The following CCNY variants were observed in gnomAD, a reference collection of about 807,000 sequenced individuals.
CCNY encodes the protein cyclin Y, also known as cyclin-Y.
CCNY carries 19 observed loss-of-function variants against 42.8 expected under a neutral mutation model. That is an observed-to-expected ratio of 0.44 (90% confidence interval 0.31 to 0.65). The LOEUF (loss-of-function observed/expected upper bound fraction) is 0.65, where lower values mean the gene tolerates loss of function less well. CCNY is among the 30% of genes least tolerant of loss of function. The pLI is 0.07. For synonymous variants in CCNY, 165 were observed against 162.7 expected, an observed-to-expected ratio of 1.01 and a Z score of -0.11; for missense variants, 370 against 437.3, an observed-to-expected ratio of 0.85 and a Z score of 1.37.
intron 3 of CCNY, among the ~76,000 whole-genome samples, chr10:35,270,497 C>T (rs548358216): frequency 1.3e-5 from 2 of 152,270 alleles, no homozygotes; most frequent in South Asian, 4.1e-4. Context: ...ATTGTAGAGA[C>T]ATTTTCAGAT....
intron 3 of CCNY, among the ~76,000 whole-genome samples, chr10:35,254,964 T>C (rs1410326841): frequency 1.3e-5 from 2 of 152,304 alleles, no homozygotes; most frequent in East Asian, 3.9e-4. Context: ...GGATACGTTG[T>C]ATGATATTTT....
At position 35,425,142 on chromosome 10, in the gene CCNY, C is replaced by T. The variant is rs111252393; in HGVS notation, c.155-58262C>T. Among the ~76,000 whole-genome samples, 511 of 152,306 alleles carry T rather than the reference C, an allele frequency of 3.4e-3. 4 individuals are homozygous for T. The highest frequency in any genetic ancestry group is 0.012 in the African/African-American group (481 of 41,568). On this transcript the variant is annotated intron_variant, in intron 1 of 9. Coordinates refer to ENST00000374704, the MANE Select transcript of CCNY (RefSeq NM_145012.6). The stretch of plus-strand genomic sequence containing the variant: ...ACTGTTCCTCTGCCCCAGAAACTGC[C>T]AGGCCGATGTTGGAGCCGCTGCCCT...
chr10:35,268,462 G>GCAGAGTGTATAC (rs2095727870), intron 3 of CCNY, among the ~76,000 whole-genome samples: 1 of 152,184 alleles, frequency 6.6e-6, no homozygotes, highest in African/African-American at 2.4e-5. Context: ...GTTTTGCTGA[G>GCAGAGTGTATAC]CACAGTGTAT....
chr10:35,521,212 A>G (rs1371865221), intron 4 of CCNY, among the ~76,000 whole-genome samples: 2 of 152,246 alleles, frequency 1.3e-5, no homozygotes, highest in Non-Finnish European at 2.9e-5. Flanking sequence ...CAAACCCTAT[A>G]GTCCAAATGT....
chr10:35,418,737 C>T (rs543601262), intron 1 of CCNY, among the ~76,000 whole-genome samples: 76 of 152,272 alleles, frequency 5.0e-4, no homozygotes, highest in African/African-American at 1.7e-3. Flanking sequence ...GGTATGAACC[C>T]TGGCCCTGTT....
chr10:35,485,739 A>AAAAAAAC (rs1839773996), intron 2 of CCNY, among the ~76,000 whole-genome samples: 1 of 133,778 alleles, frequency 7.5e-6, no homozygotes, highest in African/African-American at 2.9e-5. Context: ...AAAAAAAAAA[A>AAAAAAAC]CAAAAAAAAA....
At chr10:35,568,930 C>CCGGA in intron 9 of CCNY, 124 bp from the exon 10 acceptor site, 1 of 680,382 alleles carries the variant, frequency 1.5e-6, no homozygotes, top group East Asian at 2.5e-5. Flanking sequence ...GGGCTCTGGG[C>CCGGA]CGGAGCTCCA....
At chr10:35,248,894 T>C (rs2095709939) in intron 2 of CCNY, among the ~76,000 whole-genome samples, 1 of 152,158 alleles carries the variant, frequency 6.6e-6, no homozygotes, top group East Asian at 1.9e-4. Context: ...AATGTTTGCT[T>C]AGGAAGTGGC....
At chr10:35,406,735 A>T (rs974518523) in intron 1 of CCNY, among the ~76,000 whole-genome samples, 9 of 151,914 alleles carry the variant, frequency 5.9e-5, no homozygotes, top group African/African-American at 2.2e-4. Flanking sequence ...GTTCTCAATG[A>T]GCTGTTGGGC....
At chr10:35,340,654 G>A (rs560851406) in intron 1 of CCNY, among the ~76,000 whole-genome samples, 2 of 152,032 alleles carry the variant, frequency 1.3e-5, no homozygotes, top group African/African-American at 2.4e-5. Context: ...ACAGGCATGC[G>A]CCACCACGCC....
chr10:35,474,062 C>A (rs1839448399), intron 1 of CCNY, among the ~76,000 whole-genome samples: 1 of 152,218 alleles, frequency 6.6e-6, no homozygotes, highest in Non-Finnish European at 1.5e-5. Context: ...TCGGGTCATT[C>A]CCACCCGAAT....
chr10:35,358,485 T>C (rs1429146241), intron 1 of CCNY, among the ~76,000 whole-genome samples: 1 of 152,184 alleles, frequency 6.6e-6, no homozygotes, highest in East Asian at 1.9e-4. Context: ...ACAAATGAAG[T>C]TGAAAAGATT....
chr10:35,537,293 G>T (rs1564450273), intron 7 of CCNY, among the ~76,000 whole-genome samples: 1 of 152,210 alleles, frequency 6.6e-6, no homozygotes, highest in Non-Finnish European at 1.5e-5. Flanking sequence ...TTCAGGGGCG[G>T]GGCCCTCAAT....
upstream of CCNY, among the ~76,000 whole-genome samples, chr10:35,332,765 T>C (rs906912861): frequency 3.9e-5 from 6 of 152,054 alleles, no homozygotes; most frequent in African/African-American, 1.2e-4. Flanking sequence ...CCACCACGCC[T>C]GGCTAATTTT....
At chr10:35,264,575 A>AT (rs1164711228) in intron 3 of CCNY, among the ~76,000 whole-genome samples, 4 of 150,890 alleles carry the variant, frequency 2.7e-5, no homozygotes, top group East Asian at 3.9e-4. Context: ...AGTATTGTTG[A>AT]TTTTTTTTTC....
chr10:35,461,695 T>C (rs1429648787), intron 1 of CCNY, among the ~76,000 whole-genome samples: 1 of 152,198 alleles, frequency 6.6e-6, no homozygotes, highest in African/African-American at 2.4e-5. Flanking sequence ...TGATGAAAAT[T>C]TGAACCCAAG....
At chr10:35,279,795 A>G (rs2135052092) in intron 3 of CCNY, among the ~76,000 whole-genome samples, 1 of 152,332 alleles carries the variant, frequency 6.6e-6, no homozygotes, top group South Asian at 2.1e-4. Context: ...CTTCCCTGTG[A>G]GGCCTGCCAG....
intron 3 of CCNY, among the ~76,000 whole-genome samples, chr10:35,256,287 C>A (rs896441599): frequency 1.4e-5 from 2 of 139,094 alleles, no homozygotes; most frequent in African/African-American, 2.8e-5. Flanking sequence ...GCCTTACTAT[C>A]TTTTGTGTTT....
intron 1 of CCNY, among the ~76,000 whole-genome samples, chr10:35,459,609 T>C (rs1448580899): frequency 1.3e-5 from 2 of 152,112 alleles, no homozygotes; most frequent in African/African-American, 4.8e-5. Context: ...CCCTGTCTTA[T>C]AGGGGTATAA....
Sources: gnomAD v4.1 joint callset for allele counts (sites outside exome capture counted in the v4.1 genomes callset) on GRCh38, gnomAD v4.1.1 for gene constraint, MANE v1.5 for transcripts, NCBI Gene and HGNC (gene_info 2026-07-23, HGNC 2026-07-21) for gene names.